TNIP1: variants seen among roughly 807,000 people sequenced by gnomAD.
The protein encoded by TNIP1 is TNFAIP3-interacting protein 1.
Under a neutral mutation model 86.6 loss-of-function variants are expected in TNIP1, and 22 were observed. The observed-to-expected ratio is 0.25, with a 90% CI of 0.18 to 0.36. The LOEUF (loss-of-function observed/expected upper bound fraction) is 0.36, where lower values mean the gene tolerates loss of function less well. Among genes scored for constraint, TNIP1 ranks in the 10% least tolerant of loss-of-function variants. The probability of loss-of-function intolerance (pLI) is 1.00; values close to 1 mark genes in which losing one functional copy is unlikely to be tolerated. For synonymous variants in TNIP1, 294 were observed against 313.0 expected, an observed-to-expected ratio of 0.94 and a Z score of 0.64; for missense variants, 709 against 820.6, an observed-to-expected ratio of 0.86 and a Z score of 1.66.
chr5:151,035,719 G>A lies in TNIP1; in HGVS notation c.1396-12C>T. ...TCGAAGATCTTCACCTGGTGTGGAG[G>A]GAGGGTGAAGAGAGGGAGGGGGATG... On this transcript the variant is annotated splice_polypyrimidine_tract_variant and intron_variant, in intron 13 of 17. Coordinates refer to ENST00000521591, the MANE Select transcript of TNIP1 (RefSeq NM_006058.5). 1 of 1,613,730 alleles carries A rather than the reference G, an allele frequency of 6.2e-7. No homozygotes were observed.
intron 1 of TNIP1, among the ~76,000 whole-genome samples, chr5:151,079,711 C>T (rs1446613390): frequency 6.6e-6 from 1 of 152,166 alleles, no homozygotes; most frequent in Non-Finnish European, 1.5e-5. Context: ...TTTTTCACTG[C>T]CTCAGTTTCT....
intron 15 of TNIP1, chr5:151,034,794 G>C (rs1757485476): frequency 1.7e-6 from 1 of 594,786 alleles, no homozygotes; most frequent in Admixed American, 2.8e-5. Flanking sequence ...GTTGCTACCT[G>C]GACACAGAAT....
intron 11 of TNIP1, among the ~76,000 whole-genome samples, chr5:151,040,274 T>C (rs1226683888): frequency 6.6e-6 from 1 of 152,220 alleles, no homozygotes; most frequent in Non-Finnish European, 1.5e-5. Context: ...TGGGAGGTAG[T>C]CCAGGGAAAC....
intron 17 of TNIP1, chr5:151,032,040 T>G: frequency 1.9e-6 from 1 of 517,026 alleles, no homozygotes. Context: ...CTGTATCTGC[T>G]TCTGTTCTCT....
rs1279488796 is a variant in TNIP1, at chr5:151,044,335, C to G, written c.937-1374G>C. On this transcript the variant is annotated intron_variant, in intron 9 of 17. Coordinates refer to ENST00000521591, the MANE Select transcript of TNIP1 (RefSeq NM_006058.5). ...GGGATTACAGGTGTGAGCCACCACGCCTGACCCAGTTAATTTTTTAAAAAA... is the reference window on the plus strand; with the variant it reads ...GGGATTACAGGTGTGAGCCACCACGGCTGACCCAGTTAATTTTTTAAAAAA... 9.2e-5 allele frequency among the ~76,000 whole-genome samples: 14 copies of G among 151,966 alleles called. 1 individual carries two copies. Among genetic ancestry groups the G allele is most frequent in the Admixed American group, 9.2e-4 (14 of 15,254 alleles).
chr5:151,030,586 C>A lies in TNIP1; in HGVS notation c.*127G>T. Reference sequence around the variant, plus strand: ...TTCAGGGACTGGTGTACAAGCTGGCCACCCATCTCAGCCTCTCATCCAGCT... The same window carrying A: ...TTCAGGGACTGGTGTACAAGCTGGCAACCCATCTCAGCCTCTCATCCAGCT... On this transcript the variant is annotated 3_prime_UTR_variant, in exon 18 of 18. Coordinates refer to ENST00000521591, the MANE Select transcript of TNIP1 (RefSeq NM_006058.5). 1 of 1,499,316 alleles carries A rather than the reference C, an allele frequency of 6.7e-7. No homozygotes were observed. The highest frequency in any genetic ancestry group is 1.9e-5 in the Admixed American group (1 of 52,710). 92.9% of individuals were successfully genotyped at this position (1,499,316 alleles called of 1,614,324 possible).
intron 11 of TNIP1, among the ~76,000 whole-genome samples, chr5:151,039,799 C>T (rs1758189048): frequency 6.6e-6 from 1 of 152,216 alleles, no homozygotes; most frequent in Non-Finnish European, 1.5e-5. Context: ...AGAACTGTGA[C>T]ATAAGGCAGA....
rs941609515 is a variant in TNIP1 at position 151,047,544 on chromosome 5, A to AAGT, written c.847-1597_847-1595dup. Among the ~76,000 whole-genome samples, 5 of 152,188 alleles carry AAGT rather than the reference A, an allele frequency of 3.3e-5. No individual in the cohort carries two copies. In the East Asian group the frequency reaches 9.6e-4, roughly 29 times the overall value. ...ATCTGAATAAAGTCTGTAGTTTACT[A>AAGT]AGTAGTACATGCCATTAATTCCTAG... On this transcript the variant is annotated intron_variant, in intron 8 of 17. Transcript: ENST00000521591.
At chr5:151,058,788 C>T (rs1453870812) in intron 5 of TNIP1, among the ~76,000 whole-genome samples, 1 of 152,144 alleles carries the variant, frequency 6.6e-6, no homozygotes, top group Non-Finnish European at 1.5e-5. Flanking sequence ...GGAACTTGCC[C>T]AAAGTTGCCC....
Position 151,032,651 on chromosome 5 carries a change from T to C in TNIP1, c.1780-268A>G, listed in dbSNP as rs117981869. On this transcript the variant is annotated intron_variant, in intron 16 of 17. Coordinates refer to ENST00000521591, the MANE Select transcript of TNIP1 (RefSeq NM_006058.5). ...AGCCAATCTCTTAAGCGCCATACTATATACTCTGGTGTTTAAAGATGTGTA... is the reference window on the plus strand; with the variant it reads ...AGCCAATCTCTTAAGCGCCATACTACATACTCTGGTGTTTAAAGATGTGTA... The C allele has an allele frequency of 1.9e-3, 876 of 467,156 alleles. 12 individuals carry two copies. The East Asian group carries it at 0.02, about 10-fold the overall frequency. 28.9% of individuals were successfully genotyped at this position (467,156 alleles called of 1,614,324 possible).
chr5:151,067,691 AG>A lies in TNIP1; in HGVS notation c.-36-2561del, dbSNP rs556136180. 1.3e-3 allele frequency among the ~76,000 whole-genome samples: 195 copies of A among 152,328 alleles called. 1 individual carries two copies. The highest frequency in any genetic ancestry group is 4.4e-3 in the African/African-American group (181 of 41,576). The stretch of plus-strand genomic sequence containing the variant: ...AGGGAGCAAGTCCATCCTGTGTGCC[AG>A]GGTATCTTCAGAGTGGCCCAGAGTA... On this transcript the variant is annotated intron_variant, in intron 1 of 17. Coordinates refer to ENST00000521591, the MANE Select transcript of TNIP1 (RefSeq NM_006058.5).
At chr5:151,043,049 G>GGTGTGCTCGGTGT (rs1324281102) in intron 9 of TNIP1, 88 bp from the exon 10 acceptor site, 4 of 1,313,474 alleles carry the variant, frequency 3.0e-6, no homozygotes, top group Non-Finnish European at 4.4e-6. Flanking sequence ...AGCGTCCCAA[G>GGTGTGCTCGGTGT]GTGTGCTCGG....
Position 151,032,114 on chromosome 5 carries a change from G to GC in TNIP1, c.1876+172dup, listed in dbSNP as rs1321327967. The GC allele has an allele frequency of 6.6e-6, 4 of 605,798 alleles. No homozygotes were observed. The African/African-American group carries it at 7.4e-5, about 11-fold the overall frequency. The allele number at this position is 605,798 out of a possible 1,614,324, so 37.5% of individuals were successfully genotyped here. ...TAATGCACTAGAATGAATGGTTTCAGCCCCCCTCACTCTGTGGTTGCCATT... is the reference window on the plus strand; with the variant it reads ...TAATGCACTAGAATGAATGGTTTCAGCCCCCCCTCACTCTGTGGTTGCCATT... On this transcript the variant is annotated intron_variant, in intron 17 of 17. Transcript: ENST00000521591.
At chr5:151,052,961 A>C (rs779836793) in intron 6 of TNIP1, among the ~76,000 whole-genome samples, 63 of 152,184 alleles carry the variant, frequency 4.1e-4, no homozygotes, top group Non-Finnish European at 6.3e-4. Flanking sequence ...ACCAATTTGC[A>C]GGTGTGAGAG....
intron 2 of TNIP1, 38 bp downstream of exon 2, chr5:151,064,922 G>C: frequency 6.2e-7 from 1 of 1,613,104 alleles, no homozygotes; most frequent in South Asian, 1.1e-5. Flanking sequence ...AGTCTGCAGG[G>C]AGGGGCGCTC....
chr5:151,081,837 T>A (rs1226844359), upstream of TNIP1, among the ~76,000 whole-genome samples: 1 of 152,230 alleles, frequency 6.6e-6, no homozygotes. Flanking sequence ...TGGGATTTCC[T>A]AGACCGGTAA....
At chr5:151,049,498 A>C (rs1335875580) in intron 8 of TNIP1, among the ~76,000 whole-genome samples, 3 of 152,180 alleles carry the variant, frequency 2.0e-5, no homozygotes, top group Non-Finnish European at 2.9e-5. Flanking sequence ...TCTAAGACAG[A>C]CCTTGACAAA....
chr5:151,079,679 G>C (rs1297335018), intron 1 of TNIP1, among the ~76,000 whole-genome samples: 1 of 152,048 alleles, frequency 6.6e-6, no homozygotes, highest in Non-Finnish European at 1.5e-5. Context: ...CTGGCACATA[G>C]TAAGCTATTA....
chr5:151,039,368 A>G (rs1413371060), intron 11 of TNIP1, 143 bp from the exon 12 acceptor site: 4 of 823,830 alleles, frequency 4.9e-6, no homozygotes, highest in South Asian at 2.0e-5. Flanking sequence ...TGGGGTCGGT[A>G]CAGTAATGTC....
Sources: gnomAD v4.1 joint callset for allele counts (sites outside exome capture counted in the v4.1 genomes callset) on GRCh38, gnomAD v4.1.1 for gene constraint, MANE v1.5 for transcripts, NCBI Gene and HGNC (gene_info 2026-07-23, HGNC 2026-07-21) for gene names.